EPB41L5: variants seen among roughly 807,000 people sequenced by gnomAD.
EPB41L5 encodes the protein erythrocyte membrane protein band 4.1 like 5, also known as band 4.1-like protein 5.
A neutral mutation model predicts 106.6 loss-of-function variants in EPB41L5; 55 were observed. The ratio of observed to expected loss-of-function variants is 0.52; its 90% CI spans 0.42 to 0.65. The LOEUF is 0.65. EPB41L5 is among the 30% of genes least tolerant of loss of function. The pLI is 0.00. For missense variants in EPB41L5, 871 were observed against 882.1 expected (o/e 0.99, Z 0.16); for synonymous variants, 297 against 306.7 (o/e 0.97, Z 0.33).
chr2:120,019,594 C>G (rs1251774358), intron 2 of EPB41L5, among the ~76,000 whole-genome samples: 1 of 152,144 alleles, frequency 6.6e-6, no homozygotes, highest in Non-Finnish European at 1.5e-5. Context: ...TTCTGACAAT[C>G]CTTGTTGAAC....
At chr2:120,028,568 A>G (rs1220173602) in intron 2 of EPB41L5, among the ~76,000 whole-genome samples, 2 of 152,108 alleles carry the variant, frequency 1.3e-5, no homozygotes, top group Non-Finnish European at 2.9e-5. Context: ...TAGAGGTGAT[A>G]TGCTTGATTT....
In EPB41L5 at chr2:120,088,142, T is replaced by A. The variant is rs376302160; in HGVS notation, c.873+902T>A. On this transcript the variant is annotated intron_variant, in intron 11 of 24. Coordinates refer to ENST00000263713, the MANE Select transcript of EPB41L5 (RefSeq NM_020909.4). Reference sequence around the variant, plus strand: ...TCAGTTTTTCTGTATGTTTAAACATTTTTATAACGATGAAAATTTTTTTTT... The same window carrying A: ...TCAGTTTTTCTGTATGTTTAAACATATTTATAACGATGAAAATTTTTTTTT... Among the ~76,000 whole-genome samples the A allele has an allele frequency of 4.9e-4, 75 of 152,332 alleles. No individual in the cohort carries two copies. In the South Asian group the frequency reaches 0.014, roughly 29 times the overall value.
chr2:120,155,125 T>C (rs1260097387), intron 20 of EPB41L5, among the ~76,000 whole-genome samples: 1 of 152,244 alleles, frequency 6.6e-6, no homozygotes, highest in African/African-American at 2.4e-5. Context: ...GGTTTCGAGT[T>C]ACTGGGTAGT....
chr2:120,157,667 G>A (rs1016218418), intron 20 of EPB41L5, among the ~76,000 whole-genome samples: 6 of 151,572 alleles, frequency 4.0e-5, no homozygotes, highest in African/African-American at 1.5e-4. Flanking sequence ...TACTTCAGAC[G>A]CTGAGGCACA....
At chr2:120,134,303 C>G (rs12476087) in intron 18 of EPB41L5, among the ~76,000 whole-genome samples, 96,632 of 151,808 alleles carry the variant, frequency 0.64, 32,097 homozygotes, top group Middle Eastern at 0.74. Flanking sequence ...CCTACAGTTC[C>G]CAACTCCAGG....
At chr2:120,161,684 A>G (rs929683282) in intron 21 of EPB41L5, among the ~76,000 whole-genome samples, 10 of 152,200 alleles carry the variant, frequency 6.6e-5, no homozygotes, top group Non-Finnish European at 4.4e-5. Flanking sequence ...GTACTGGTCC[A>G]TGGCCTGTTA....
intron 3 of EPB41L5, among the ~76,000 whole-genome samples, chr2:120,056,406 C>G (rs1296720210): frequency 1.3e-5 from 2 of 151,706 alleles, no homozygotes; most frequent in Non-Finnish European, 2.9e-5. Flanking sequence ...TCAAGCGATT[C>G]TCCTGCCTCA....
chr2:120,096,806 AAG>A (rs1683788820), intron 14 of EPB41L5, among the ~76,000 whole-genome samples: 1 of 152,172 alleles, frequency 6.6e-6, no homozygotes. Context: ...TAAAAAGAAA[AAG>A]AAAAATGGAG....
intron 24 of EPB41L5, among the ~76,000 whole-genome samples, chr2:120,172,819 T>C (rs1447797118): frequency 6.6e-6 from 1 of 152,022 alleles, no homozygotes; most frequent in Non-Finnish European, 1.5e-5. Context: ...AAAAGGAGGA[T>C]ATAGAGTTGC....
chr2:120,075,876 A>G, intron 7 of EPB41L5, 123 bp downstream of exon 7: 2 of 782,990 alleles, frequency 2.6e-6, no homozygotes, highest in South Asian at 1.6e-5. Flanking sequence ...ATAAACTTGT[A>G]TCAGGGTCCA....
intron 2 of EPB41L5, among the ~76,000 whole-genome samples, chr2:120,021,458 C>G (rs970262876): frequency 1.3e-5 from 2 of 152,000 alleles, no homozygotes; most frequent in Non-Finnish European, 2.9e-5. Flanking sequence ...GTCTGGCCAA[C>G]ATAGTGAAAC....
intron 2 of EPB41L5, among the ~76,000 whole-genome samples, chr2:120,033,282 A>T (rs1432446949): frequency 1.3e-5 from 2 of 152,218 alleles, no homozygotes; most frequent in East Asian, 3.8e-4. Flanking sequence ...TATTTTCATG[A>T]AATGGTATAG....
chr2:120,088,076 T>C (rs1439251540), intron 11 of EPB41L5, among the ~76,000 whole-genome samples: 1 of 152,192 alleles, frequency 6.6e-6, no homozygotes, highest in Non-Finnish European at 1.5e-5. Context: ...TTGAGCAAAA[T>C]GTTAACAGTT....
At chr2:120,101,529 CTGTT>C (rs1292183683) in intron 16 of EPB41L5, 1 of 152,050 alleles carries the variant, frequency 6.6e-6, no homozygotes, top group Non-Finnish European at 1.5e-5. Flanking sequence ...AGTTATTTGT[CTGTT>C]TGTGAAATGA....
Position 120,073,190 on chromosome 2 carries a change from G to GGTACAAAAAGCATCAAAAAGCAA in EPB41L5, c.302_324dup (p.Lys109GlnfsTer8). 1 of 1,606,410 alleles carries GGTACAAAAAGCATCAAAAAGCAA rather than the reference G, an allele frequency of 6.2e-7. No homozygotes were observed. Among genetic ancestry groups the GGTACAAAAAGCATCAAAAAGCAA allele is most frequent in the Admixed American group, 1.7e-5 (1 of 57,854 alleles). On this transcript the variant is annotated frameshift_variant, in exon 4 of 25. Transcript: ENST00000263713. LOFTEE classifies it high-confidence loss of function. Reference sequence around the variant, plus strand: ...TTTTGTTTTTCAGCATTGGTTGGATGGTACAAAAAGCATCAAAAAGCAAGT... The same window carrying GGTACAAAAAGCATCAAAAAGCAA: ...TTTTGTTTTTCAGCATTGGTTGGATGGTACAAAAAGCATCAAAAAGCAAGTACAAAAAGCATCAAAAAGCAAGT...
At chr2:120,076,190 C>T (rs1371487618) in intron 7 of EPB41L5, among the ~76,000 whole-genome samples, 2 of 152,052 alleles carry the variant, frequency 1.3e-5, no homozygotes, top group African/African-American at 2.4e-5. Flanking sequence ...TTTCTCCCCC[C>T]GATTTTTTTT....
At position 120,143,113 on chromosome 2, in the gene EPB41L5, A is replaced by C. The variant is rs1023523845; in HGVS notation, c.1710A>C (p.Gln570His). 6.2e-7 allele frequency: 1 copy of C among 1,604,180 alleles called. No homozygotes were observed. Among genetic ancestry groups the C allele is most frequent in the Admixed American group, 1.7e-5 (1 of 58,294 alleles). ...PDFKSNILKA[Q>H]VEAVHKVTKE... ...TCAAGAGTAACATTTTGAAGGCTCA[A>C]GTAGAAGCAGTGCATAAGGTAAGCT... Residue 570 changes from glutamine to histidine, a missense_variant, in exon 19 of 25, where the codon CAA (glutamine) becomes CAC (histidine). Transcript: ENST00000263713.
At chr2:120,157,446 A>T (rs1053981912) in intron 20 of EPB41L5, among the ~76,000 whole-genome samples, 8 of 152,114 alleles carry the variant, frequency 5.3e-5, no homozygotes, top group African/African-American at 1.9e-4. Context: ...TTAGAGCTGA[A>T]CTGAAGGAGA....
chr2:120,137,332 C>G (rs1463205314), intron 18 of EPB41L5, among the ~76,000 whole-genome samples: 1 of 151,344 alleles, frequency 6.6e-6, no homozygotes, highest in Admixed American at 6.6e-5. Flanking sequence ...CAAACTAAAC[C>G]CAAAATTAGT....
Sources: gnomAD v4.1 joint callset for allele counts (sites outside exome capture counted in the v4.1 genomes callset) on GRCh38, gnomAD v4.1.1 for gene constraint, MANE v1.5 for transcripts, NCBI Gene and HGNC (gene_info 2026-07-23, HGNC 2026-07-21) for gene names.